The following KIN variants were observed in gnomAD, a reference collection of about 807,000 sequenced individuals.
KIN encodes the protein DNA/RNA-binding protein KIN17.
KIN carries 47 observed loss-of-function variants against 63.0 expected under a neutral mutation model. The observed-to-expected ratio is 0.75, with a 90% CI of 0.59 to 0.95. The LOEUF (loss-of-function observed/expected upper bound fraction) is 0.95. Among genes scored for constraint, KIN ranks in the 40% least tolerant of loss-of-function variants. KIN has a pLI of 0.00. For synonymous variants in KIN, 160 were observed against 157.7 expected (o/e 1.01, Z -0.11); for missense variants, 408 against 460.9 (o/e 0.89, Z 1.05).
Position 7,777,354 on chromosome 10 carries a change from G to A in KIN, c.558+1484C>T. ...GGGAGATGGGGTATTAATTGGCAAC[G>A]AGCATGAGGAAACCCTCTGGGATAC... On this transcript the variant is annotated intron_variant, in intron 5 of 12. Transcript: ENST00000379562. Among the ~76,000 whole-genome samples, 2 of 151,800 alleles carry A rather than the reference G, an allele frequency of 1.3e-5. 1 individual carries two copies.
intron 11 of KIN, chr10:7,761,363 G>A (rs977213158): frequency 5.3e-5 from 8 of 152,170 alleles, no homozygotes; most frequent in Non-Finnish European, 4.4e-5. Context: ...GACACCCCCA[G>A]GAAGATTTTG....
At chr10:7,782,068 TAACAATAATAAA>T (rs1272364222) in intron 2 of KIN, among the ~76,000 whole-genome samples, 2 of 152,050 alleles carry the variant, frequency 1.3e-5, no homozygotes, top group African/African-American at 4.8e-5. Context: ...TCAATAATAA[TAACAATAATAAA>T]AATTTATAAA....
rs965011719 is a variant in KIN at position 7,753,446 on chromosome 10, G to C, written c.*2634C>G. On this transcript the variant is annotated 3_prime_UTR_variant, in exon 13 of 13. Coordinates refer to ENST00000379562, the MANE Select transcript of KIN (RefSeq NM_012311.4). ...ATCAGGGAGAACCATTCTCCTTTTTGAAATTCTTCAGACCAGATTCTTAGT... is the reference window on the plus strand; with the variant it reads ...ATCAGGGAGAACCATTCTCCTTTTTCAAATTCTTCAGACCAGATTCTTAGT... 1.3e-4 allele frequency: 20 copies of C among 152,052 alleles called. No individual in the cohort carries two copies. The highest frequency in any genetic ancestry group is 2.2e-4 in the Non-Finnish European group (15 of 67,992). 9.4% of individuals were successfully genotyped at this position (152,052 alleles called of 1,614,324 possible). A position where few individuals can be genotyped will look rare whatever the true frequency, so the allele number is the denominator to read the frequency against.
Position 7,787,086 on chromosome 10 carries a change from A to G in KIN, c.114+734T>C, listed in dbSNP as rs1274216722. ...AGTGTAAATTCCATAGTGTAGCCATATAAGGCTTTTCGAGATCTGCCCAGA... is the reference window on the plus strand; with the variant it reads ...AGTGTAAATTCCATAGTGTAGCCATGTAAGGCTTTTCGAGATCTGCCCAGA... On this transcript the variant is annotated intron_variant, in intron 1 of 12. Coordinates refer to ENST00000379562, the MANE Select transcript of KIN (RefSeq NM_012311.4). 2.6e-5 allele frequency among the ~76,000 whole-genome samples: 4 copies of G among 152,208 alleles called. No individual in the cohort carries two copies. The South Asian group carries it at 8.3e-4, about 32-fold the overall frequency.
intron 5 of KIN, 134 bp downstream of exon 5, chr10:7,778,704 A>G: frequency 2.2e-6 from 2 of 891,158 alleles, no homozygotes. Flanking sequence ...GCGCTACTGC[A>G]CTCCAGCCTG....
chr10:7,767,833 T>C (rs1480156150), intron 8 of KIN, among the ~76,000 whole-genome samples: 2 of 134,852 alleles, frequency 1.5e-5, no homozygotes, highest in African/African-American at 5.8e-5. Context: ...CACTCCAGCC[T>C]GAGTGACAGA....
intron 2 of KIN, among the ~76,000 whole-genome samples, chr10:7,782,420 A>G (rs1025661300): frequency 1.4e-5 from 2 of 144,774 alleles, no homozygotes; most frequent in African/African-American, 5.1e-5. Flanking sequence ...TTTTTTTTAG[A>G]CAGAGTCTTG....
chr10:7,760,285 C>A (rs75343156), intron 11 of KIN, among the ~76,000 whole-genome samples: 2,156 of 152,188 alleles, frequency 0.014, 51 homozygotes, highest in African/African-American at 0.049. Flanking sequence ...TGTTCAGAGT[C>A]CAGAAGTAAT....
Position 7,778,858 on chromosome 10 carries a change from C to A in KIN, c.538G>T (p.Gly180Cys). The change falls in exon 5 of 13, where the codon GGC (glycine) becomes TGC (cysteine). Residue 180 changes from glycine (G) to cysteine (C), a missense_variant. Gly to Cys is a radical substitution (Grantham distance 159). Coordinates refer to ENST00000379562, the MANE Select transcript of KIN (RefSeq NM_012311.4). ...CCCACCTGTTCCTTCCCTTCCAGGC[C>A]TCTTCTCACTTGCTCTTCAATAAAT... ...AKFIEEQVRR[G>C]LEGKEQEVPT... The A allele has an allele frequency of 1.2e-6, 2 of 1,613,978 alleles. No homozygotes were observed. Among genetic ancestry groups the A allele is most frequent in the Non-Finnish European group, 1.7e-6 (2 of 1,180,010 alleles).
At position 7,754,558 on chromosome 10, in the gene KIN, G is replaced by A. The variant is rs111705106; in HGVS notation, c.*1522C>T. 14,597 of 152,476 alleles carry A rather than the reference G, an allele frequency of 0.096. 771 individuals are homozygous for A. The highest frequency in any genetic ancestry group is 0.2 in the South Asian group (953 of 4,852). 9.4% of individuals were successfully genotyped at this position (152,476 alleles called of 1,614,324 possible). ...TGAGGCAGGAGAATGGCTTGAACCC[G>A]GGAGGTGGAGGTTGCAGTGAGCCGA... On this transcript the variant is annotated 3_prime_UTR_variant, in exon 13 of 13. Transcript: ENST00000379562.
chr10:7,775,587 C>T (rs1835753502), intron 6 of KIN, among the ~76,000 whole-genome samples, 164 bp downstream of exon 6: 1 of 152,134 alleles, frequency 6.6e-6, no homozygotes, highest in Non-Finnish European at 1.5e-5. Context: ...GCTATCCTAT[C>T]CAATCAATTC....
At position 7,751,500 on chromosome 10, in the gene KIN, G is replaced by A. The variant is rs1429834422; in HGVS notation, c.*4580C>T. 10 of 151,988 alleles carry A rather than the reference G, an allele frequency of 6.6e-5. No individual in the cohort carries two copies. Among genetic ancestry groups the A allele is most frequent in the Non-Finnish European group, 1.3e-4 (9 of 68,006 alleles). The allele number at this position is 151,988 out of a possible 1,614,324, so 9.4% of individuals were successfully genotyped here. A position where few individuals can be genotyped will look rare whatever the true frequency, so the allele number is the denominator to read the frequency against. On this transcript the variant is annotated 3_prime_UTR_variant, in exon 13 of 13. Coordinates refer to ENST00000379562, the MANE Select transcript of KIN (RefSeq NM_012311.4). The stretch of plus-strand genomic sequence containing the variant: ...GGCCAAGGCAGGAGCATCACTGGAG[G>A]CCAGGAGTTCAAGACCAGCCTAAGC...
At chr10:7,768,452 C>T (rs1274575204) in intron 8 of KIN, among the ~76,000 whole-genome samples, 4 of 151,872 alleles carry the variant, frequency 2.6e-5, no homozygotes, top group Admixed American at 2.0e-4. Context: ...ACCTGGGGAG[C>T]GGAGACTGCA....
At chr10:7,785,373 T>C (rs1314494264) in intron 1 of KIN, among the ~76,000 whole-genome samples, 1 of 152,088 alleles carries the variant, frequency 6.6e-6, no homozygotes, top group Non-Finnish European at 1.5e-5. Flanking sequence ...TCAAAGCTTT[T>C]AGATATAATT....
chr10:7,778,543 G>A lies in KIN; in HGVS notation c.558+295C>T, dbSNP rs541312576. 1.1e-4 allele frequency among the ~76,000 whole-genome samples: 17 copies of A among 152,166 alleles called. No homozygotes were observed. In the South Asian group the frequency reaches 2.1e-3, roughly 19 times the overall value. ...ATCACGAGGTCAGGAGTTGGAGACC[G>A]GCCTGACCAACATGGTGAAACCCTG... On this transcript the variant is annotated intron_variant, in intron 5 of 12. Transcript: ENST00000379562.
At chr10:7,785,274 T>C (rs1835978178) in intron 1 of KIN, among the ~76,000 whole-genome samples, 1 of 151,220 alleles carries the variant, frequency 6.6e-6, no homozygotes, top group Non-Finnish European at 1.5e-5. Flanking sequence ...AAAAATCATA[T>C]TCCTCCCTGC....
At position 7,769,216 on chromosome 10, in the gene KIN, C is replaced by T. The variant is rs1588476811; in HGVS notation, c.798G>A (p.Glu266=). Residue 266 remains glutamate, a splice_region_variant and synonymous_variant, in exon 8 of 13, where the codon GAG becomes GAA. Coordinates refer to ENST00000379562, the MANE Select transcript of KIN (RefSeq NM_012311.4). ...TCCACACGCAATCCATAAACTGTAC[C>T]TCCATGATTTCATCCAGTGCAGATT... The part of the protein sequence containing the change: ...KKKSALDEIM[E]IEEEKKRTAR... The T allele has an allele frequency of 6.2e-7, 1 of 1,609,128 alleles. No individual in the cohort carries two copies. Among genetic ancestry groups the T allele is most frequent in the African/African-American group, 1.3e-5 (1 of 74,582 alleles).
At chr10:7,783,873 T>C (rs1835947214) in intron 1 of KIN, among the ~76,000 whole-genome samples, 1 of 152,094 alleles carries the variant, frequency 6.6e-6, no homozygotes, top group Non-Finnish European at 1.5e-5. Flanking sequence ...TCCAATTTAA[T>C]AGGAAGTCTA....
chr10:7,783,620 A>G (rs1382548649), intron 1 of KIN, among the ~76,000 whole-genome samples: 1 of 152,170 alleles, frequency 6.6e-6, no homozygotes, highest in African/African-American at 2.4e-5. Flanking sequence ...CATTATCCAA[A>G]ATACATTGCT....
Sources: gnomAD v4.1 joint callset for allele counts (sites outside exome capture counted in the v4.1 genomes callset) on GRCh38, gnomAD v4.1.1 for gene constraint, MANE v1.5 for transcripts, NCBI Gene and HGNC (gene_info 2026-07-23, HGNC 2026-07-21) for gene names.